ZNF141: variants seen among roughly 807,000 people sequenced by gnomAD.
The protein encoded by ZNF141 is zinc finger protein 141, also known as zinc finger protein 141 (clone pHZ-44).
ZNF141 carries 7 observed loss-of-function variants against 11.3 expected under a neutral mutation model. The observed-to-expected ratio is 0.62, with a 90% CI of 0.35 to 1.16. The LOEUF is 1.16. Among genes scored for constraint, ZNF141 ranks in the 50% most tolerant of loss-of-function variants. The pLI is 0.02. For missense variants in ZNF141, 535 were observed against 554.0 expected (o/e 0.97, Z 0.34); for synonymous variants, 183 against 190.7 (o/e 0.96, Z 0.33).
rs781850264 is a variant in ZNF141, at chr4:373,351, A to T, written c.914A>T (p.His305Leu). ...SSNFAKHKRI[H>L]TGEKPYKCEE... ...AACTTTGCCAAACATAAGCGAATTC[A>T]TACTGGAGAGAAACCCTACAAATGT... The change falls in exon 4 of 4, where the codon CAT becomes CTT. Residue 305 changes from histidine to leucine, a missense_variant. Coordinates refer to ENST00000240499, the MANE Select transcript of ZNF141 (RefSeq NM_003441.4). The T allele has an allele frequency of 1.2e-6, 2 of 1,614,064 alleles. No individual in the cohort carries two copies. Among genetic ancestry groups the T allele is most frequent in the East Asian group, 2.2e-5 (1 of 44,878 alleles).
chr4:354,436 C>T (rs1286570240), intron 3 of ZNF141, among the ~76,000 whole-genome samples: 3 of 152,184 alleles, frequency 2.0e-5, no homozygotes, highest in Non-Finnish European at 2.9e-5. Flanking sequence ...GAGGCTTAAT[C>T]CTCACATTGG....
At position 380,792 on chromosome 4, in the gene ZNF141, CTT is replaced by C. The variant is rs781809801; in HGVS notation, c.*6931_*6932del. Among the ~76,000 whole-genome samples the C allele has an allele frequency of 3.3e-5, 5 of 152,142 alleles. No homozygotes were observed. Among genetic ancestry groups the C allele is most frequent in the Non-Finnish European group, 5.9e-5 (4 of 68,024 alleles). ...GGCAACTTTGACTCTAGAGATAACACTTATTACAGTAAAATCCCTCTTCAGAC... is the reference window on the plus strand; with the variant it reads ...GGCAACTTTGACTCTAGAGATAACACATTACAGTAAAATCCCTCTTCAGAC... On this transcript the variant is annotated 3_prime_UTR_variant, in exon 4 of 4. Transcript: ENST00000240499.
intron 3 of ZNF141, chr4:350,360 A>T (rs1721538150): frequency 2.8e-6 from 1 of 362,780 alleles, no homozygotes; most frequent in Non-Finnish European, 5.7e-6. Flanking sequence ...ATTGTATAAA[A>T]ATGGAATCAT....
chr4:338,056 G>A, intron 1 of ZNF141, 70 bp downstream of exon 1: 1 of 1,603,752 alleles, frequency 6.2e-7, no homozygotes, highest in Non-Finnish European at 8.5e-7. Context: ...ATGGCGGCGG[G>A]ACCGAGTCTG....
chr4:372,888 G>A lies in ZNF141; in HGVS notation c.451G>A (p.Val151Ile), dbSNP rs548736070. Residue 151 changes from valine to isoleucine, a missense_variant, in exon 4 of 4, where the codon GTC becomes ATC. By Grantham distance (29) the Val-to-Ile change is conservative. Coordinates refer to ENST00000240499, the MANE Select transcript of ZNF141 (RefSeq NM_003441.4). Reference protein sequence around the residue: ...QSKILQCKASVKVVSKFSNSN... With the variant: ...QSKILQCKASIKVVSKFSNSN... ...CAAAATACTTCAGTGTAAAGCAAGT[G>A]TCAAAGTTGTTAGTAAATTTTCAAA... 39 of 1,613,548 alleles carry A rather than the reference G, an allele frequency of 2.4e-5. No homozygotes were observed. In the East Asian group the frequency reaches 6.2e-4, roughly 26 times the overall value.
chr4:376,808 C>T lies in ZNF141; in HGVS notation c.*2946C>T, dbSNP rs899446849. On this transcript the variant is annotated 3_prime_UTR_variant, in exon 4 of 4. Transcript: ENST00000240499. ...GGATAATTTACTGGAAATCTAGAAG[C>T]CTGAAACATTCTATATTTTCTTCTT... Among the ~76,000 whole-genome samples, 4 of 151,980 alleles carry T rather than the reference C, an allele frequency of 2.6e-5. No individual in the cohort carries two copies. The highest frequency in any genetic ancestry group is 9.7e-5 in the African/African-American group (4 of 41,412).
chr4:379,531 T>C lies in ZNF141; in HGVS notation c.*5669T>C, dbSNP rs1553855153. 6.6e-6 allele frequency among the ~76,000 whole-genome samples: 1 copy of C among 152,090 alleles called. No individual in the cohort carries two copies. Among genetic ancestry groups the C allele is most frequent in the African/African-American group, 2.4e-5 (1 of 41,440 alleles). ...CTGGCATTACAGGTGTGCACCACCA[T>C]GCCTGGCTAATTTTTATATTGTTAG... On this transcript the variant is annotated 3_prime_UTR_variant, in exon 4 of 4. Transcript: ENST00000240499.
rs1316890820 is a variant in ZNF141, at chr4:382,700, T to C, written c.*8838T>C. On this transcript the variant is annotated 3_prime_UTR_variant, in exon 4 of 4. Transcript: ENST00000240499. Reference sequence around the variant, plus strand: ...AGAGTAATGGATGGATGGCATGAGATTCTCAAAAAAATCTTGCTCCTATTT... The same window carrying C: ...AGAGTAATGGATGGATGGCATGAGACTCTCAAAAAAATCTTGCTCCTATTT... The C allele has an allele frequency of 3.2e-5, 5 of 154,526 alleles. No individual in the cohort carries two copies. The highest frequency in any genetic ancestry group is 7.2e-5 in the Non-Finnish European group (5 of 69,640). 9.6% of individuals were successfully genotyped at this position (154,526 alleles called of 1,614,324 possible).
chr4:355,959 A>C (rs1581601717), intron 3 of ZNF141, among the ~76,000 whole-genome samples: 1 of 152,150 alleles, frequency 6.6e-6, no homozygotes, highest in Admixed American at 6.5e-5. Context: ...TAGGCTGGGC[A>C]CAGTGGCTTA....
chr4:344,329 A>T lies in ZNF141; in HGVS notation c.131-6A>T. On this transcript the variant is annotated splice_polypyrimidine_tract_variant and splice_region_variant and intron_variant, in intron 2 of 3. Coordinates refer to ENST00000240499, the MANE Select transcript of ZNF141 (RefSeq NM_003441.4). ...TCATGTTATTATTTTTTTTAAAATA[A>T]AACAGGTGTTGCTATCTCTAACCCA... 6.2e-7 allele frequency: 1 copy of T among 1,605,224 alleles called. No homozygotes were observed. The highest frequency in any genetic ancestry group is 1.1e-5 in the South Asian group (1 of 91,014).
chr4:344,013 C>T (rs1553849013), intron 2 of ZNF141, 105 bp downstream of exon 2: 2 of 1,445,900 alleles, frequency 1.4e-6, no homozygotes, highest in East Asian at 2.4e-5. Context: ...TTACATAAAC[C>T]TTCTCTTTTC....
rs1218276540 is a variant in ZNF141 at position 374,335 on chromosome 4, A to T, written c.*473A>T. On this transcript the variant is annotated 3_prime_UTR_variant, in exon 4 of 4. Coordinates refer to ENST00000240499, the MANE Select transcript of ZNF141 (RefSeq NM_003441.4). ...GCCTTTAAATGGTCCTCAACCCTTA[A>T]TGAACGTAAGTGAATTCATGCTGGA... 1.5e-5 allele frequency: 5 copies of T among 327,178 alleles called. No homozygotes were observed. Among genetic ancestry groups the T allele is most frequent in the African/African-American group, 1.1e-4 (5 of 46,210 alleles). The allele number at this position is 327,178 out of a possible 1,614,324, so 20.3% of individuals were successfully genotyped here.
At chr4:338,080 C>A in intron 1 of ZNF141, 94 bp downstream of exon 1, 1 of 1,551,426 alleles carries the variant, frequency 6.4e-7, no homozygotes. Flanking sequence ...ACGGAGTCCC[C>A]GCTGCCGCCG....
At chr4:362,013 A>G (rs375102871) in intron 3 of ZNF141, among the ~76,000 whole-genome samples, 2 of 152,258 alleles carry the variant, frequency 1.3e-5, no homozygotes, top group East Asian at 1.9e-4. Flanking sequence ...AAGTGTTCCT[A>G]TTTCTCCACA....
intron 3 of ZNF141, among the ~76,000 whole-genome samples, chr4:357,443 CTT>C (rs1363124633): frequency 6.6e-6 from 1 of 150,800 alleles, no homozygotes; most frequent in Non-Finnish European, 1.5e-5. Context: ...AAGAATCTCT[CTT>C]TGTCTTTGAA....
At chr4:340,439 A>ATT in intron 1 of ZNF141, among the ~76,000 whole-genome samples, 1 of 152,228 alleles carries the variant, frequency 6.6e-6, no homozygotes, top group Non-Finnish European at 1.5e-5. Flanking sequence ...TTCAGATCTG[A>ATT]CACTGATTCA....
Position 372,710 on chromosome 4 carries a change from A to G in ZNF141, c.273A>G (p.Ile91Met). The stretch of plus-strand genomic sequence containing the variant: ...AAGACCATTGGCCAGTGCAGGGCAT[A>G]GAAGATTCATTCCACAAACTTATAC... ...FTQDHWPVQG[I>M]EDSFHKLILR... Residue 91 changes from isoleucine (I) to methionine (M), a missense_variant, in exon 4 of 4, where the codon ATA becomes ATG. By Grantham distance (10) the Ile-to-Met change is conservative. Coordinates refer to ENST00000240499, the MANE Select transcript of ZNF141 (RefSeq NM_003441.4). 1 of 1,605,558 alleles carries G rather than the reference A, an allele frequency of 6.2e-7. No individual in the cohort carries two copies. Among genetic ancestry groups the G allele is most frequent in the African/African-American group, 1.3e-5 (1 of 74,766 alleles).
chr4:351,206 A>G (rs73066320), intron 3 of ZNF141, among the ~76,000 whole-genome samples: 3,490 of 151,058 alleles, frequency 0.023, 134 homozygotes, highest in African/African-American at 0.079. Context: ...TGCTTCCTGT[A>G]CAGCCTTCAG....
chr4:360,135 G>C (rs570754796), intron 3 of ZNF141, among the ~76,000 whole-genome samples: 13 of 152,286 alleles, frequency 8.5e-5, no homozygotes, highest in Admixed American at 4.6e-4. Flanking sequence ...TCGGTTCGCA[G>C]TCTTACACAT....
Sources: gnomAD v4.1 joint callset for allele counts (sites outside exome capture counted in the v4.1 genomes callset) on GRCh38, gnomAD v4.1.1 for gene constraint, MANE v1.5 for transcripts, NCBI Gene and HGNC (gene_info 2026-07-23, HGNC 2026-07-21) for gene names.